STPG2: variants seen among roughly 807,000 people sequenced by gnomAD.
STPG2 encodes the protein sperm-tail PG-rich repeat-containing protein 2.
In STPG2, 56 loss-of-function variants were observed where a neutral mutation model predicts 54.2. The observed-to-expected ratio is 1.03, with a 90% CI of 0.83 to 1.29. STPG2 has a LOEUF of 1.29. Among genes scored for constraint, STPG2 ranks in the 50% most tolerant of loss-of-function variants. STPG2 has a pLI of 0.00. For synonymous variants in STPG2, 200 were observed against 181.8 expected (o/e 1.10, Z -0.81); for missense variants, 596 against 544.9 (o/e 1.09, Z -0.93).
chr4:98,050,449 T>TAA lies in STPG2; in HGVS notation c.612+55502_612+55503dup, dbSNP rs59575389. Among the ~76,000 whole-genome samples, 92 of 151,808 alleles carry TAA rather than the reference T, an allele frequency of 6.1e-4. 1 individual carries two copies. Among genetic ancestry groups the TAA allele is most frequent in the African/African-American group, 1.8e-3 (74 of 41,400 alleles). ...TATTCACATTAAGTTTTTTATTTTT[T>TAA]AAAAAAAAGGGGGTTCTGCCCCTCT... On this transcript the variant is annotated intron_variant, in intron 5 of 10. Transcript: ENST00000295268.
In STPG2 at chr4:97,785,852, A is replaced by G. The variant is rs190539198; in HGVS notation, c.1204+54921T>C. ...AAGAAGACATGGCAAAAAAAAAACT[A>G]TATGAGTTTAAGAGGGATGTGTGGA... On this transcript the variant is annotated intron_variant, in intron 9 of 10. Coordinates refer to ENST00000295268, the MANE Select transcript of STPG2 (RefSeq NM_174952.3). 2.1e-3 allele frequency among the ~76,000 whole-genome samples: 326 copies of G among 151,670 alleles called. 6 individuals carry two copies. The highest frequency in any genetic ancestry group is 4.2e-3 in the South Asian group (20 of 4,812).
intron 4 of STPG2, among the ~76,000 whole-genome samples, chr4:97,446,331 G>A (rs1278993658): frequency 6.6e-6 from 1 of 152,180 alleles, no homozygotes; most frequent in Non-Finnish European, 1.5e-5. Flanking sequence ...GAGGAACACA[G>A]ATTGTCTTCT....
chr4:97,700,272 G>A (rs1023335271), intron 10 of STPG2, among the ~76,000 whole-genome samples: 1 of 152,260 alleles, frequency 6.6e-6, no homozygotes, highest in African/African-American at 2.4e-5. Context: ...TTGTACAGTA[G>A]CCTGGACCTG....
At chr4:97,663,253 T>C (rs987944720) in intron 10 of STPG2, among the ~76,000 whole-genome samples, 1 of 152,168 alleles carries the variant, frequency 6.6e-6, no homozygotes, top group African/African-American at 2.4e-5. Flanking sequence ...CTATTGTTAA[T>C]ATGAGCTTGG....
chr4:97,947,092 T>C (rs1480328120), intron 7 of STPG2, among the ~76,000 whole-genome samples: 1 of 152,148 alleles, frequency 6.6e-6, no homozygotes, highest in African/African-American at 2.4e-5. Flanking sequence ...TAGTTCTCCT[T>C]GTAGAGATCT....
At chr4:97,922,377 C>A (rs553300349) in intron 8 of STPG2, among the ~76,000 whole-genome samples, 5 of 151,898 alleles carry the variant, frequency 3.3e-5, no homozygotes, top group Non-Finnish European at 7.4e-5. Context: ...TATAATTCAG[C>A]ATTTAAGTAA....
chr4:97,913,486 A>C (rs762857163), intron 8 of STPG2, among the ~76,000 whole-genome samples: 1 of 152,212 alleles, frequency 6.6e-6, no homozygotes, highest in African/African-American at 2.4e-5. Flanking sequence ...TAGGCTATAG[A>C]CATAAATAAC....
At chr4:97,671,852 C>A (rs886512196) in intron 10 of STPG2, among the ~76,000 whole-genome samples, 4 of 152,094 alleles carry the variant, frequency 2.6e-5, no homozygotes, top group African/African-American at 7.2e-5. Context: ...AAAAAGAAAA[C>A]CCTGAAGAAT....
chr4:98,070,269 CAT>C (rs1485739352), intron 5 of STPG2, among the ~76,000 whole-genome samples: 4 of 152,150 alleles, frequency 2.6e-5, no homozygotes, highest in Non-Finnish European at 5.9e-5. Context: ...GCAAAAACCA[CAT>C]GATTATCTCA....
chr4:97,462,884 G>A (rs1260599971), intron 4 of STPG2, among the ~76,000 whole-genome samples: 1 of 152,020 alleles, frequency 6.6e-6, no homozygotes, highest in Non-Finnish European at 1.5e-5. Flanking sequence ...TTGAATAGCA[G>A]TGGTTATAAC....
chr4:97,882,400 C>A (rs936602905), intron 8 of STPG2, among the ~76,000 whole-genome samples: 1 of 152,126 alleles, frequency 6.6e-6, no homozygotes, highest in Non-Finnish European at 1.5e-5. Context: ...AGGCAGTAAA[C>A]CATGTTGCCT....
intron 8 of STPG2, among the ~76,000 whole-genome samples, chr4:97,843,746 A>C (rs901613056): frequency 3.3e-5 from 5 of 151,938 alleles, no homozygotes; most frequent in Non-Finnish European, 7.4e-5. Flanking sequence ...AAGGTGGGTC[A>C]GCCTGTTTGT....
chr4:97,815,443 CA>C (rs35139573), intron 9 of STPG2, among the ~76,000 whole-genome samples: 1 of 152,182 alleles, frequency 6.6e-6, no homozygotes, highest in East Asian at 1.9e-4. Flanking sequence ...ATTCAGTGCT[CA>C]AAAAGTTTCA....
At chr4:98,042,067 T>C (rs917074836) in intron 5 of STPG2, among the ~76,000 whole-genome samples, 2 of 151,998 alleles carry the variant, frequency 1.3e-5, no homozygotes, top group African/African-American at 4.8e-5. Flanking sequence ...CTGGAAATAA[T>C]ATGTTTCCAG....
At chr4:97,975,886 CCTT>C (rs1264532666) in intron 6 of STPG2, among the ~76,000 whole-genome samples, 1 of 152,080 alleles carries the variant, frequency 6.6e-6, no homozygotes, top group Non-Finnish European at 1.5e-5. Flanking sequence ...TGTAACTAGT[CCTT>C]CTGAATGAAG....
chr4:97,584,413 AC>A (rs2148893188), intron 10 of STPG2, among the ~76,000 whole-genome samples: 1 of 152,056 alleles, frequency 6.6e-6, no homozygotes, highest in Admixed American at 6.6e-5. Flanking sequence ...AGCATTAAAT[AC>A]CTACATCAAA....
intron 5 of STPG2, among the ~76,000 whole-genome samples, chr4:98,020,600 C>T (rs1346373541): frequency 3.3e-5 from 5 of 152,128 alleles, no homozygotes; most frequent in African/African-American, 7.2e-5. Context: ...ATGGTACCAG[C>T]TCCTCCTTGT....
At chr4:97,981,729 T>C (rs1189656972) in intron 5 of STPG2, among the ~76,000 whole-genome samples, 1 of 151,052 alleles carries the variant, frequency 6.6e-6, no homozygotes, top group Non-Finnish European at 1.5e-5. Flanking sequence ...GTATATTCAA[T>C]TAACTCAACA....
chr4:97,518,254 T>C (rs1692370682), intron 4 of STPG2, among the ~76,000 whole-genome samples: 1 of 152,074 alleles, frequency 6.6e-6, no homozygotes, highest in Non-Finnish European at 1.5e-5. Flanking sequence ...TACTCAAGTA[T>C]TCCTGAAGCA....
Sources: gnomAD v4.1 joint callset for allele counts (sites outside exome capture counted in the v4.1 genomes callset) on GRCh38, gnomAD v4.1.1 for gene constraint, MANE v1.5 for transcripts, NCBI Gene and HGNC (gene_info 2026-07-23, HGNC 2026-07-21) for gene names.